The following PCLO variants were observed in gnomAD, a reference collection of about 807,000 sequenced individuals.
The protein encoded by PCLO is piccolo presynaptic cytomatrix protein, also known as protein piccolo.
PCLO carries 82 observed loss-of-function variants against 427.5 expected under a neutral mutation model. The ratio of observed to expected loss-of-function variants is 0.19; its 90% CI spans 0.16 to 0.23. The LOEUF is 0.23. PCLO is among the 10% of genes least tolerant of loss of function. PCLO has a pLI of 1.00. For missense variants in PCLO, 6,239 were observed against 6,115.9 expected (o/e 1.02, Z -0.67); for synonymous variants, 2,357 against 2,155.4 (o/e 1.09, Z -2.59).
chr7:82,968,034 T>A (rs1160486267), intron 3 of PCLO, among the ~76,000 whole-genome samples: 1 of 152,236 alleles, frequency 6.6e-6, no homozygotes, highest in Non-Finnish European at 1.5e-5. Context: ...AAAAGATATC[T>A]AAGTTTCATT....
chr7:83,035,807 C>T (rs551135820), intron 3 of PCLO, among the ~76,000 whole-genome samples: 15 of 152,186 alleles, frequency 9.9e-5, no homozygotes, highest in South Asian at 2.1e-4. Flanking sequence ...TCTGTCCTTA[C>T]TTTGTGACAG....
chr7:82,791,007 G>A (rs185577820), intron 22 of PCLO, among the ~76,000 whole-genome samples: 1 of 152,256 alleles, frequency 6.6e-6, no homozygotes, highest in East Asian at 1.9e-4. Context: ...GTTTCTCTGA[G>A]TTTTTATTAC....
intron 3 of PCLO, among the ~76,000 whole-genome samples, chr7:83,003,810 T>C (rs549228080): frequency 5.3e-5 from 8 of 151,938 alleles, no homozygotes; most frequent in South Asian, 2.1e-4. Flanking sequence ...TTTCTTTTCT[T>C]GTAACATCCT....
At chr7:82,889,756 C>T (rs1408698200) in intron 9 of PCLO, among the ~76,000 whole-genome samples, 4 of 151,938 alleles carry the variant, frequency 2.6e-5, no homozygotes, top group Non-Finnish European at 1.5e-5. Flanking sequence ...AATAATTAAA[C>T]GTCTGTACAA....
intron 3 of PCLO, among the ~76,000 whole-genome samples, chr7:83,032,891 A>G (rs931348697): frequency 9.2e-5 from 14 of 152,222 alleles, no homozygotes; most frequent in African/African-American, 3.1e-4. Flanking sequence ...TCCCACCCAA[A>G]TCGCATCTCA....
intron 9 of PCLO, among the ~76,000 whole-genome samples, chr7:82,883,682 C>T (rs1219579439): frequency 6.6e-6 from 1 of 152,178 alleles, no homozygotes; most frequent in Non-Finnish European, 1.5e-5. Context: ...AATAAATTCA[C>T]TTATTCCTAT....
intron 3 of PCLO, among the ~76,000 whole-genome samples, chr7:83,112,054 T>C (rs972507211): frequency 1.3e-5 from 2 of 152,106 alleles, no homozygotes; most frequent in Non-Finnish European, 2.9e-5. Context: ...TGTTTTTTGT[T>C]TTTTTGTTTG....
At chr7:83,150,641 T>C (rs1229741803) in intron 2 of PCLO, among the ~76,000 whole-genome samples, 1 of 150,934 alleles carries the variant, frequency 6.6e-6, no homozygotes, top group South Asian at 2.1e-4. Context: ...CCTTCCCAGA[T>C]CTGGTAGTCA....
At chr7:83,128,904 G>T (rs1186110721) in intron 3 of PCLO, among the ~76,000 whole-genome samples, 1 of 152,038 alleles carries the variant, frequency 6.6e-6, no homozygotes, top group Non-Finnish European at 1.5e-5. Flanking sequence ...CTGAACCCCT[G>T]AATCTGCTTC....
intron 22 of PCLO, among the ~76,000 whole-genome samples, chr7:82,763,984 G>A (rs1790482157): frequency 1.3e-5 from 2 of 151,928 alleles, no homozygotes; most frequent in Non-Finnish European, 2.9e-5. Context: ...TTCATCAAAT[G>A]AAAGAGACAA....
At chr7:82,876,878 G>T (rs556745976) in intron 10 of PCLO, among the ~76,000 whole-genome samples, 2 of 152,020 alleles carry the variant, frequency 1.3e-5, no homozygotes, top group Non-Finnish European at 2.9e-5. Context: ...TTCAATCAGA[G>T]GATTTATACT....
intron 16 of PCLO, among the ~76,000 whole-genome samples, chr7:82,834,562 A>C (rs991575940): frequency 6.6e-6 from 1 of 152,204 alleles, no homozygotes; most frequent in Non-Finnish European, 1.5e-5. Flanking sequence ...CATAGACAAA[A>C]ACGAATGCTG....
intron 3 of PCLO, among the ~76,000 whole-genome samples, chr7:82,990,742 G>A (rs1490441410): frequency 6.6e-6 from 1 of 152,060 alleles, no homozygotes; most frequent in Admixed American, 6.6e-5. Context: ...TCTCCCCAGA[G>A]ATACTTAAAT....
chr7:82,855,559 A>G (rs968134625), intron 10 of PCLO, among the ~76,000 whole-genome samples: 5 of 152,322 alleles, frequency 3.3e-5, no homozygotes, highest in African/African-American at 9.6e-5. Flanking sequence ...TTAATTGCCT[A>G]CATGCTGATA....
chr7:83,110,463 C>T (rs1471772177), intron 3 of PCLO, among the ~76,000 whole-genome samples: 4 of 151,916 alleles, frequency 2.6e-5, no homozygotes, highest in Admixed American at 6.6e-5. Flanking sequence ...TTTGCCTAAT[C>T]GCTCAATATG....
In PCLO at chr7:83,155,638, G is replaced by A. The variant is rs2116690751; in HGVS notation, c.1003C>T (p.Pro335Ser). ...GCCAATGGCTTTGTTAGCCCTGAGG[G>A]CTGAGCTGGGGGCTTTGCAGGCCCA... ...QPGPAKPPAQ[P>S]SGLTKPLAQQ... The change falls in exon 2 of 25, where the codon CCC (proline) becomes TCC (serine). Residue 335 changes from proline to serine, a missense_variant. Pro to Ser is a moderately conservative substitution (Grantham distance 74, BLOSUM62 -1). Coordinates refer to ENST00000333891, the MANE Select transcript of PCLO (RefSeq NM_033026.6). The A allele has an allele frequency of 1.2e-6, 2 of 1,613,826 alleles. No individual in the cohort carries two copies. The highest frequency in any genetic ancestry group is 2.2e-5 in the South Asian group (2 of 91,086).
chr7:83,128,017 A>T (rs539264600), intron 3 of PCLO, among the ~76,000 whole-genome samples: 2 of 152,294 alleles, frequency 1.3e-5, no homozygotes, highest in Admixed American at 6.5e-5. Context: ...ATGCAATATC[A>T]AAGTTAAAAG....
intron 6 of PCLO, among the ~76,000 whole-genome samples, chr7:82,944,137 TAAAAAAAAAAAA>T (rs71096608): frequency 1.2e-4 from 4 of 33,914 alleles, no homozygotes; most frequent in Admixed American, 4.4e-4. Flanking sequence ...CAAGAATCCA[TAAAAAAAAAAAA>T]AAAAAAAAAA....
At chr7:83,075,028 A>G (rs1272918491) in intron 3 of PCLO, among the ~76,000 whole-genome samples, 2 of 152,174 alleles carry the variant, frequency 1.3e-5, no homozygotes, top group African/African-American at 4.8e-5. Flanking sequence ...AAACAGTTGA[A>G]TAAAGTACAT....
Sources: allele counts gnomAD v4.1 joint callset (sites outside exome capture counted in the v4.1 genomes callset), GRCh38; gene constraint gnomAD v4.1.1; transcripts MANE v1.5; gene names NCBI Gene and HGNC (gene_info 2026-07-23, HGNC 2026-07-21).